The following RBPJ variants were observed in gnomAD, a reference collection of about 807,000 sequenced individuals.
RBPJ encodes recombination signal binding protein for immunoglobulin kappa J region.
RBPJ carries 9 observed loss-of-function variants against 67.8 expected under a neutral mutation model. The ratio of observed to expected loss-of-function variants is 0.13; its 90% CI spans 0.08 to 0.23. The LOEUF is 0.23. Ranked by LOEUF, RBPJ falls within the 10% of genes least tolerant of loss-of-function variation. RBPJ has a pLI of 1.00. For missense variants in RBPJ, 305 were observed against 595.6 expected (o/e 0.51, Z 5.08); for synonymous variants, 198 against 203.3 (o/e 0.97, Z 0.22).
At chr4:26,214,598 GAAACA>G (rs1718569300) in intron 1 of RBPJ, among the ~76,000 whole-genome samples, 1 of 125,430 alleles carries the variant, frequency 8.0e-6, no homozygotes, top group Non-Finnish European at 1.6e-5. Context: ...AGGAAGGGAG[GAAACA>G]GAGAGAGAAT....
At position 26,266,107 on chromosome 4, in the gene RBPJ, A is replaced by G. The variant is rs188669698; in HGVS notation, c.-166-96339A>G. Among the ~76,000 whole-genome samples the G allele has an allele frequency of 7.9e-5, 12 of 151,942 alleles. No homozygotes were observed. The East Asian group carries it at 1.9e-3, about 24-fold the overall frequency. On this transcript the variant is annotated intron_variant, in intron 1 of 4. Transcript: ENST00000512351. ...TCCCTTAAATTCCATACTTTGGGGT[A>G]TCTTTCTCTGTGCCCCAACAGTATC...
intron 1 of RBPJ, among the ~76,000 whole-genome samples, chr4:26,310,626 C>A (rs1202522229): frequency 6.6e-6 from 1 of 150,778 alleles, no homozygotes; most frequent in East Asian, 1.9e-4. Flanking sequence ...GAATTAACAC[C>A]AATCAAGATA....
chr4:26,155,321 A>G, the RBPJ span, among the ~76,000 whole-genome samples: 6 of 152,148 alleles, frequency 3.9e-5, no homozygotes, highest in African/African-American at 7.2e-5. Context: ...TCAGCCCTTA[A>G]GCCCTTCATG....
chr4:26,207,039 A>C (rs1577471480), intron 1 of RBPJ, among the ~76,000 whole-genome samples: 2 of 152,188 alleles, frequency 1.3e-5, no homozygotes, highest in East Asian at 3.9e-4. Flanking sequence ...TTCCAGGTTT[A>C]GATTCAAGCA....
At chr4:26,225,045 G>T (rs1174867907) in intron 1 of RBPJ, among the ~76,000 whole-genome samples, 1 of 152,208 alleles carries the variant, frequency 6.6e-6, no homozygotes, top group Non-Finnish European at 1.5e-5. Flanking sequence ...ATGACTGATG[G>T]CAGTGGACTT....
At chr4:26,399,154 C>T (rs930191590) in intron 2 of RBPJ, among the ~76,000 whole-genome samples, 7 of 152,164 alleles carry the variant, frequency 4.6e-5, no homozygotes, top group East Asian at 3.8e-4. Context: ...GCATGACTTA[C>T]GTTCATTGCA....
At chr4:26,271,520 TCTC>T (rs1720915544) in intron 1 of RBPJ, among the ~76,000 whole-genome samples, 1 of 151,914 alleles carries the variant, frequency 6.6e-6, no homozygotes, top group Admixed American at 6.6e-5. Context: ...TCCAGTCTCC[TCTC>T]CTGTGATCCC....
At chr4:26,210,759 CTTT>C (rs1560212228) in intron 1 of RBPJ, among the ~76,000 whole-genome samples, 51 of 118,380 alleles carry the variant, frequency 4.3e-4, no homozygotes, top group South Asian at 6.0e-4. Context: ...TTCCTTCTTT[CTTT>C]CTTTCTTTCT....
At chr4:26,388,604 ACTCT>A (rs60945391) in intron 2 of RBPJ, among the ~76,000 whole-genome samples, 74,807 of 150,152 alleles carry the variant, frequency 0.5, 19,654 homozygotes, top group Admixed American at 0.62. Flanking sequence ...TTACACACAC[ACTCT>A]CTCTCTCTCT....
In RBPJ at chr4:26,430,340, G is replaced by T; in HGVS notation, c.1045-79G>T. On this transcript the variant is annotated intron_variant, in intron 9 of 10. Coordinates refer to ENST00000355476, the MANE Select transcript of RBPJ (RefSeq NM_015874.6). This position sits in a 1 kb window ranked among gnomAD's most constrained non-coding sequence, Gnocchi z 4.1. ...CCTTTTTTAAAAAAAACAAATGAAA[G>T]TTGAATGAGAATCTAATTTGTGTAC... The T allele has an allele frequency of 8.2e-7, 1 of 1,217,120 alleles. No individual in the cohort carries two copies. Among genetic ancestry groups the T allele is most frequent in the Non-Finnish European group, 1.2e-6 (1 of 837,144 alleles). 75.4% of individuals were successfully genotyped at this position (1,217,120 alleles called of 1,614,324 possible).
chr4:26,162,725 T>C (rs748508350), upstream of RBPJ, among the ~76,000 whole-genome samples: 1 of 152,252 alleles, frequency 6.6e-6, no homozygotes, highest in Non-Finnish European at 1.5e-5. Flanking sequence ...TCCGAGCACA[T>C]GTCCTCATCC....
intron 1 of RBPJ, chr4:26,383,778 G>A (rs1730547217): frequency 6.6e-6 from 1 of 152,140 alleles, no homozygotes. Context: ...GCTGGAATTC[G>A]TGGGTTGATC....
intron 1 of RBPJ, among the ~76,000 whole-genome samples, chr4:26,290,121 G>A (rs1413638957): frequency 2.0e-5 from 3 of 149,886 alleles, no homozygotes; most frequent in Admixed American, 2.0e-4. Context: ...CTTGAGGCCA[G>A]GAGTTCGAAA....
chr4:26,325,770 T>A (rs145122275), intron 1 of RBPJ, among the ~76,000 whole-genome samples: 94 of 152,324 alleles, frequency 6.2e-4, no homozygotes, highest in African/African-American at 2.2e-3. Flanking sequence ...TATTTTGACA[T>A]CTCTGCATGA....
At chr4:26,343,679 C>T (rs1247798783) in intron 1 of RBPJ, among the ~76,000 whole-genome samples, 1 of 148,172 alleles carries the variant, frequency 6.7e-6, no homozygotes, top group Non-Finnish European at 1.5e-5. Flanking sequence ...TCCTGAGTAC[C>T]TGGGATTACA....
At chr4:26,213,592 T>C (rs1335953106) in intron 1 of RBPJ, among the ~76,000 whole-genome samples, 5 of 151,938 alleles carry the variant, frequency 3.3e-5, no homozygotes, top group Non-Finnish European at 7.4e-5. Flanking sequence ...CCCATGAGAA[T>C]GGAAAGGTAG....
At chr4:26,214,200 G>T (rs78399122) in intron 1 of RBPJ, among the ~76,000 whole-genome samples, 2 of 146,348 alleles carry the variant, frequency 1.4e-5, no homozygotes, top group African/African-American at 5.1e-5. Context: ...AGAAAAGGAA[G>T]GAAGGAGAGA....
intron 1 of RBPJ, among the ~76,000 whole-genome samples, chr4:26,169,119 T>G (rs903567734): frequency 2.6e-5 from 4 of 152,244 alleles, no homozygotes; most frequent in Non-Finnish European, 5.9e-5. Context: ...GGTGAGGAAC[T>G]GCGTTCCTTT....
chr4:26,194,473 G>T (rs1194535564), intron 1 of RBPJ, among the ~76,000 whole-genome samples: 4 of 152,290 alleles, frequency 2.6e-5, no homozygotes, highest in Non-Finnish European at 5.9e-5. Flanking sequence ...TAATAATCTT[G>T]TGCCCATTGT....
Sources: gnomAD v4.1 joint callset for allele counts (sites outside exome capture counted in the v4.1 genomes callset) on GRCh38, gnomAD v4.1.1 for gene constraint, Gnocchi (gnomAD v3.1) non-coding constraint, MANE v1.5 for transcripts, NCBI Gene and HGNC (gene_info 2026-07-23, HGNC 2026-07-21) for gene names.